The following CNKSR3 variants were observed in gnomAD, a reference collection of about 807,000 sequenced individuals.
CNKSR3 encodes the protein CNKSR family member 3, also known as connector enhancer of kinase suppressor of ras 3.
A neutral mutation model predicts 67.7 loss-of-function variants in CNKSR3; 36 were observed. The observed-to-expected ratio is 0.53, with a 90% CI of 0.41 to 0.70. The LOEUF is 0.70. Ranked by LOEUF, CNKSR3 falls within the 30% of genes least tolerant of loss-of-function variation. CNKSR3 has a pLI of 0.00. For synonymous variants in CNKSR3, 281 were observed against 271.4 expected (o/e 1.04, Z -0.35); for missense variants, 630 against 695.2 (o/e 0.91, Z 1.05).
chr6:154,420,321 G>A (rs552997028), intron 9 of CNKSR3, among the ~76,000 whole-genome samples: 3 of 152,042 alleles, frequency 2.0e-5, no homozygotes, highest in Admixed American at 2.0e-4. Context: ...CTGGTCAAAG[G>A]GTACAAAGTT....
intron 1 of CNKSR3, among the ~76,000 whole-genome samples, chr6:154,480,467 G>A (rs1341219162): frequency 1.3e-5 from 2 of 152,178 alleles, no homozygotes; most frequent in Non-Finnish European, 2.9e-5. Context: ...CAGGCAGGCA[G>A]GTAAAGCCTT....
chr6:154,491,672 A>G (rs778329504), intron 1 of CNKSR3, among the ~76,000 whole-genome samples: 5 of 150,392 alleles, frequency 3.3e-5, no homozygotes, highest in Non-Finnish European at 7.4e-5. Flanking sequence ...TTCCAAAACA[A>G]TGTGAAAAAA....
At chr6:154,450,703 C>A (rs1261413823) in intron 1 of CNKSR3, among the ~76,000 whole-genome samples, 2 of 152,166 alleles carry the variant, frequency 1.3e-5, no homozygotes, top group African/African-American at 4.8e-5. Context: ...GCTCTATACA[C>A]CAGCCAGTCA....
chr6:154,422,774 C>A, intron 8 of CNKSR3, 122 bp from the exon 9 acceptor site: 1 of 1,180,532 alleles, frequency 8.5e-7, no homozygotes, highest in Non-Finnish European at 1.2e-6. Context: ...AATAGGCAGG[C>A]GTAAGTATGC....
intron 9 of CNKSR3, among the ~76,000 whole-genome samples, chr6:154,417,562 A>G (rs1447896770): frequency 1.3e-5 from 2 of 152,120 alleles, no homozygotes; most frequent in Non-Finnish European, 2.9e-5. Context: ...TTATGGGCTG[A>G]ACTGTGTCCC....
intron 1 of CNKSR3, among the ~76,000 whole-genome samples, chr6:154,484,993 C>T (rs1786640321): frequency 6.6e-6 from 1 of 152,196 alleles, no homozygotes; most frequent in Admixed American, 6.5e-5. Context: ...ATCATCACTG[C>T]TTTCTCAGAC....
At chr6:154,468,446 A>T (rs1786256899) in intron 1 of CNKSR3, among the ~76,000 whole-genome samples, 1 of 149,346 alleles carries the variant, frequency 6.7e-6, no homozygotes, top group Non-Finnish European at 1.5e-5. Flanking sequence ...TGACCATCTA[A>T]CCTAAAAAAG....
rs2128709649 is a variant in CNKSR3 at position 154,404,025 on chromosome 6, T to G, written c.*2329A>C. 6.6e-6 allele frequency: 1 copy of G among 151,824 alleles called. No homozygotes were observed. The highest frequency in any genetic ancestry group is 2.1e-4 in the South Asian group (1 of 4,812). The allele number at this position is 151,824 out of a possible 1,614,324, so 9.4% of individuals were successfully genotyped here. On this transcript the variant is annotated 3_prime_UTR_variant, in exon 13 of 13. Coordinates refer to ENST00000607772, the MANE Select transcript of CNKSR3 (RefSeq NM_173515.4). ...CAAGAGTAAAACAGGCAGGGCTGGC[T>G]CGCCCCTCGTACACAGCTCCCTCCT...
chr6:154,423,955 G>A (rs1056064470), intron 7 of CNKSR3, among the ~76,000 whole-genome samples: 5 of 152,042 alleles, frequency 3.3e-5, no homozygotes, highest in Non-Finnish European at 7.4e-5. Context: ...GGGATAGGCC[G>A]GGCGCGGTGC....
intron 1 of CNKSR3, among the ~76,000 whole-genome samples, chr6:154,452,855 G>A (rs985572935): frequency 6.6e-6 from 1 of 152,152 alleles, no homozygotes; most frequent in African/African-American, 2.4e-5. Context: ...AAGGAGAGAG[G>A]CCTCAGAAGA....
intron 1 of CNKSR3, among the ~76,000 whole-genome samples, chr6:154,496,143 G>C (rs1786873744): frequency 6.6e-6 from 1 of 152,244 alleles, no homozygotes; most frequent in East Asian, 1.9e-4. Context: ...ATCCTGACTA[G>C]TGACTCTGAT....
chr6:154,440,197 C>T (rs1785552373), intron 4 of CNKSR3, among the ~76,000 whole-genome samples: 1 of 152,196 alleles, frequency 6.6e-6, no homozygotes, highest in Non-Finnish European at 1.5e-5. Context: ...GAGCAAACAA[C>T]TGCCACGTGC....
chr6:154,468,431 CACCAT>C (rs1786256049), intron 1 of CNKSR3, among the ~76,000 whole-genome samples: 1 of 144,768 alleles, frequency 6.9e-6, no homozygotes, highest in East Asian at 1.9e-4. Flanking sequence ...CACACACACA[CACCAT>C]GACCATCTAA....
intron 5 of CNKSR3, among the ~76,000 whole-genome samples, chr6:154,431,196 C>A (rs564635217): frequency 5.9e-5 from 9 of 152,204 alleles, no homozygotes; most frequent in African/African-American, 2.2e-4. Context: ...GTAATCCCAG[C>A]ACTTTGGGAG....
chr6:154,506,099 A>T (rs973503818), intron 1 of CNKSR3, among the ~76,000 whole-genome samples: 1 of 152,202 alleles, frequency 6.6e-6, no homozygotes, highest in African/African-American at 2.4e-5. Flanking sequence ...AATGTGGCAC[A>T]TGTGTACTCT....
chr6:154,411,235 G>T, intron 10 of CNKSR3, 93 bp from the exon 11 acceptor site: 1 of 873,690 alleles, frequency 1.1e-6, no homozygotes, highest in Non-Finnish European at 1.8e-6. Context: ...GCACACAGAA[G>T]ATAATTTAAA....
At chr6:154,451,538 C>CTCGT (rs748200203) in intron 1 of CNKSR3, among the ~76,000 whole-genome samples, 1 of 147,032 alleles carries the variant, frequency 6.8e-6, no homozygotes, top group East Asian at 2.0e-4. Context: ...CACACGCACA[C>CTCGT]GCACAGATGC....
At chr6:154,428,688 A>T (rs933424949) in intron 6 of CNKSR3, among the ~76,000 whole-genome samples, 9 of 148,458 alleles carry the variant, frequency 6.1e-5, no homozygotes, top group Admixed American at 4.0e-4. Context: ...CCAGCTAATT[A>T]TTTTTTTTTT....
At chr6:154,432,682 C>A (rs1280040193) in intron 5 of CNKSR3, among the ~76,000 whole-genome samples, 1 of 152,188 alleles carries the variant, frequency 6.6e-6, no homozygotes, top group Non-Finnish European at 1.5e-5. Context: ...TTTTAGTGAT[C>A]ACTCACATTC....
Sources: gnomAD v4.1 joint callset for allele counts (sites outside exome capture counted in the v4.1 genomes callset) on GRCh38, gnomAD v4.1.1 for gene constraint, MANE v1.5 for transcripts, NCBI Gene and HGNC (gene_info 2026-07-23, HGNC 2026-07-21) for gene names.